NELL1: variants seen among roughly 807,000 people sequenced by gnomAD.
NELL1 encodes the protein protein kinase C-binding protein NELL1.
In NELL1, 76 loss-of-function variants were observed where a neutral mutation model predicts 107.4. The observed-to-expected ratio is 0.71, with a 90% confidence interval of 0.59 to 0.86. The LOEUF is 0.86. NELL1 is among the 40% of genes least tolerant of loss of function. The probability of loss-of-function intolerance (pLI) is 0.00; values close to 1 mark genes in which losing one functional copy is unlikely to be tolerated. For synonymous variants in NELL1, 353 were observed against 341.2 expected (o/e 1.03, Z -0.38); for missense variants, 1,024 against 1,005.5 (o/e 1.02, Z -0.25).
intron 12 of NELL1, among the ~76,000 whole-genome samples, chr11:21,085,236 A>C (rs1854362339): frequency 6.6e-6 from 1 of 152,234 alleles, no homozygotes. Context: ...TGGAAGAAAT[A>C]GGTGACAAAT....
At chr11:20,804,704 ATAGTCTACCCTT>A (rs1857345757) in intron 3 of NELL1, among the ~76,000 whole-genome samples, 1 of 152,168 alleles carries the variant, frequency 6.6e-6, no homozygotes, top group Admixed American at 6.5e-5. Flanking sequence ...TGTCTGTTAT[ATAGTCTACCCTT>A]AAGAATTATC....
chr11:20,706,696 A>G (rs1854969377), intron 2 of NELL1, among the ~76,000 whole-genome samples: 1 of 152,114 alleles, frequency 6.6e-6, no homozygotes, highest in Non-Finnish European at 1.5e-5. Flanking sequence ...AGGAATGTTG[A>G]ATATTGGCCC....
chr11:21,088,057 CTCTGTGTGTGTGTGTGTG>C (rs1468017202), intron 12 of NELL1, among the ~76,000 whole-genome samples: 38 of 119,698 alleles, frequency 3.2e-4, no homozygotes, highest in African/African-American at 1.1e-3. Flanking sequence ...GTCCCAGTAG[CTCTGTGTGTGTGTGTGTG>C]TGTGTGTGTG....
chr11:20,713,520 C>T (rs1003857582), intron 2 of NELL1, among the ~76,000 whole-genome samples: 3 of 152,104 alleles, frequency 2.0e-5, no homozygotes, highest in Admixed American at 6.5e-5. Flanking sequence ...TCCTGCAGTG[C>T]CCCCTGTTCA....
chr11:21,569,400 G>A (rs1482797232), intron 17 of NELL1, among the ~76,000 whole-genome samples: 1 of 151,870 alleles, frequency 6.6e-6, no homozygotes, highest in East Asian at 2.0e-4. Flanking sequence ...GATCATGCAT[G>A]TAAATGCCTC....
chr11:21,263,164 T>C (rs1848566740), intron 14 of NELL1, among the ~76,000 whole-genome samples: 1 of 151,882 alleles, frequency 6.6e-6, no homozygotes, highest in South Asian at 2.1e-4. Flanking sequence ...AGTGTTCTGT[T>C]AATGGAGTTC....
At chr11:21,550,675 G>T (rs925702937) in intron 16 of NELL1, among the ~76,000 whole-genome samples, 1 of 151,888 alleles carries the variant, frequency 6.6e-6, no homozygotes, top group Non-Finnish European at 1.5e-5. Flanking sequence ...ATTTCTGAGG[G>T]CTCTGTTCTG....
intron 2 of NELL1, among the ~76,000 whole-genome samples, chr11:20,689,223 G>A (rs1462491310): frequency 6.6e-6 from 1 of 151,898 alleles, no homozygotes. Context: ...CATTGTGTAT[G>A]CTGCCTGTTT....
intron 14 of NELL1, among the ~76,000 whole-genome samples, chr11:21,289,164 T>C (rs550921338): frequency 9.9e-4 from 151 of 152,352 alleles, no homozygotes; most frequent in African/African-American, 3.5e-3. Context: ...ACTATTGATG[T>C]GACCATTTTT....
intron 15 of NELL1, among the ~76,000 whole-genome samples, chr11:21,461,138 A>G (rs1384977503): frequency 6.6e-6 from 1 of 152,078 alleles, no homozygotes; most frequent in Non-Finnish European, 1.5e-5. Context: ...GATAACAATC[A>G]CTTATGAAAC....
intron 14 of NELL1, among the ~76,000 whole-genome samples, chr11:21,293,256 C>T (rs1849309556): frequency 6.6e-6 from 1 of 151,860 alleles, no homozygotes; most frequent in Non-Finnish European, 1.5e-5. Context: ...ACAAAAAACC[C>T]CATCAAAAAG....
At chr11:21,272,927 G>T (rs1038058778) in intron 14 of NELL1, among the ~76,000 whole-genome samples, 1 of 151,984 alleles carries the variant, frequency 6.6e-6, no homozygotes, top group African/African-American at 2.4e-5. Flanking sequence ...AAAGACCAAA[G>T]GTAGATAAAA....
chr11:21,277,889 G>A (rs1413302457), intron 14 of NELL1, among the ~76,000 whole-genome samples: 2 of 152,128 alleles, frequency 1.3e-5, no homozygotes, highest in African/African-American at 4.8e-5. Flanking sequence ...TCACACACCG[G>A]GGCCTGTTGT....
intron 15 of NELL1, among the ~76,000 whole-genome samples, chr11:21,463,362 T>G (rs1853947739): frequency 6.6e-6 from 1 of 152,258 alleles, no homozygotes; most frequent in East Asian, 1.9e-4. Flanking sequence ...CATATTGAAC[T>G]ATAGCCTCAC....
chr11:20,812,929 A>AC (rs1168624843), intron 3 of NELL1, among the ~76,000 whole-genome samples: 2 of 143,046 alleles, frequency 1.4e-5, no homozygotes, highest in Non-Finnish European at 3.0e-5. Context: ...AATGGCGTGA[A>AC]CCCCAGGGGG....
intron 4 of NELL1, among the ~76,000 whole-genome samples, chr11:20,850,184 T>C (rs1196092844): frequency 1.3e-5 from 2 of 152,242 alleles, no homozygotes; most frequent in African/African-American, 4.8e-5. Context: ...CAGCCAGAAC[T>C]TGCCAACTTT....
At chr11:21,246,207 A>G (rs1447157479) in intron 14 of NELL1, among the ~76,000 whole-genome samples, 1 of 152,190 alleles carries the variant, frequency 6.6e-6, no homozygotes, top group African/African-American at 2.4e-5. Context: ...TCTATGAAGA[A>G]GGCAGAAGTA....
At chr11:20,996,186 T>C (rs1328941497) in intron 12 of NELL1, among the ~76,000 whole-genome samples, 3 of 152,172 alleles carry the variant, frequency 2.0e-5, no homozygotes, top group Non-Finnish European at 4.4e-5. Context: ...GTTGTTTGGA[T>C]GGACTCAGCT....
chr11:20,835,967 A>C (rs917051807), intron 3 of NELL1, among the ~76,000 whole-genome samples: 5 of 152,162 alleles, frequency 3.3e-5, no homozygotes, highest in African/African-American at 1.2e-4. Flanking sequence ...CTCTACCAGA[A>C]AGATTATTAA....
Sources: allele counts gnomAD v4.1 joint callset (sites outside exome capture counted in the v4.1 genomes callset), GRCh38; gene constraint gnomAD v4.1.1; transcripts MANE v1.5; gene names NCBI Gene and HGNC (gene_info 2026-07-23, HGNC 2026-07-21).